The following ABCB1 variants were observed in gnomAD, a reference collection of about 807,000 sequenced individuals.
ABCB1 encodes ATP binding cassette subfamily B member 1.
A neutral mutation model predicts 142.0 loss-of-function variants in ABCB1; 69 were observed. The observed-to-expected ratio is 0.49, with a 90% CI of 0.40 to 0.59. The LOEUF (loss-of-function observed/expected upper bound fraction) is 0.59, where lower values mean the gene tolerates loss of function less well. Among genes scored for constraint, ABCB1 ranks in the 20% least tolerant of loss-of-function variants. The pLI is 0.00. For missense variants in ABCB1, 1,326 were observed against 1,554.7 expected, an observed-to-expected ratio of 0.85 and a Z score of 2.47; for synonymous variants, 532 against 539.2, an observed-to-expected ratio of 0.99 and a Z score of 0.18.
At chr7:87,546,316 T>C (rs756348894) in intron 14 of ABCB1, among the ~76,000 whole-genome samples, 41 of 152,048 alleles carry the variant, frequency 2.7e-4, no homozygotes, top group Non-Finnish European at 5.1e-4. Context: ...GGGCCGGGCG[T>C]GGTGGCTCAC....
At chr7:87,669,322 G>T (rs1184807058) in intron 1 of ABCB1, among the ~76,000 whole-genome samples, 2 of 151,900 alleles carry the variant, frequency 1.3e-5, no homozygotes, top group Non-Finnish European at 2.9e-5. Flanking sequence ...TTTTCCATTT[G>T]CTTAGTAGAT....
chr7:87,565,470 C>T (rs1434841763), intron 7 of ABCB1: 2 of 455,476 alleles, frequency 4.4e-6, no homozygotes, highest in Middle Eastern at 3.3e-4. Flanking sequence ...GCCTTCATGA[C>T]AGGAGAGAGA....
At chr7:87,585,468 T>TA (rs1818705099) in intron 4 of ABCB1, 44 bp downstream of exon 4, 2 of 1,601,400 alleles carry the variant, frequency 1.2e-6, no homozygotes, top group East Asian at 4.5e-5. Context: ...GTGCTTGTTT[T>TA]TGCTGCAAGT....
chr7:87,622,896 G>C (rs1214057067), intron 1 of ABCB1, among the ~76,000 whole-genome samples: 1 of 151,936 alleles, frequency 6.6e-6, no homozygotes, highest in African/African-American at 2.4e-5. Flanking sequence ...AAAAACACTA[G>C]GCAGCTGTGG....
rs1469116728 is a variant in ABCB1 at position 87,550,181 on chromosome 7, G to T, written c.1340C>A (p.Thr447Lys). The change falls in exon 12 of 28, where the codon ACA becomes AAA. Residue 447 changes from threonine to lysine, a missense_variant. By Grantham distance (78) the Thr-to-Lys change is moderately conservative. Transcript: ENST00000622132. The stretch of plus-strand genomic sequence containing the variant: ...CATGGGTCATCTCACCATCCCCTCT[G>T]TGGGGTCATAGAGCCTCTGCATCAG... ...VQLMQRLYDP[T>K]EGMVSVDGQD... is the part of the protein sequence containing the mutation. 4 of 1,614,048 alleles carry T rather than the reference G, an allele frequency of 2.5e-6. No individual in the cohort carries two copies. In the African/African-American group the frequency reaches 5.3e-5, roughly 22 times the overall value.
rs181988014 is a variant in ABCB1, at chr7:87,578,051, A to C, written c.286+7461T>G. ...CTTCTTTTAGTAGTTTCATAGTTTC[A>C]GGTCATAGATTTAAGTCTTTAATCC... On this transcript the variant is annotated intron_variant, in intron 4 of 27. Coordinates refer to ENST00000622132, the MANE Select transcript of ABCB1 (RefSeq NM_001348946.2). Among the ~76,000 whole-genome samples the C allele has an allele frequency of 1.8e-4, 27 of 152,300 alleles. No homozygotes were observed. The East Asian group carries it at 4.4e-3, about 25-fold the overall frequency.
intron 1 of ABCB1, among the ~76,000 whole-genome samples, chr7:87,622,600 T>A (rs1390829413): frequency 6.6e-6 from 1 of 152,184 alleles, no homozygotes; most frequent in Non-Finnish European, 1.5e-5. Flanking sequence ...AGAGACTATA[T>A]TGCATGAGTG....
chr7:87,559,880 T>C (rs1353686123), intron 8 of ABCB1, among the ~76,000 whole-genome samples: 1 of 152,200 alleles, frequency 6.6e-6, no homozygotes, highest in Non-Finnish European at 1.5e-5. Flanking sequence ...GTTGGGCTGT[T>C]GGGCATATTA....
intron 1 of ABCB1, among the ~76,000 whole-genome samples, chr7:87,618,430 A>G (rs1041156495): frequency 1.3e-5 from 2 of 152,198 alleles, no homozygotes; most frequent in African/African-American, 4.8e-5. Flanking sequence ...CAGTAGGCTG[A>G]TAGTCTTGGA....
At chr7:87,670,922 A>G (rs1219588319) in intron 1 of ABCB1, among the ~76,000 whole-genome samples, 1 of 151,990 alleles carries the variant, frequency 6.6e-6, no homozygotes, top group African/African-American at 2.4e-5. Context: ...CTGGCTGTAG[A>G]TTGTGATTTG....
chr7:87,515,382 T>G lies in ABCB1; in HGVS notation c.3131A>C (p.Tyr1044Ser). 2 of 1,614,144 alleles carry G rather than the reference T, an allele frequency of 1.2e-6. No individual in the cohort carries two copies. The highest frequency in any genetic ancestry group is 1.7e-6 in the Non-Finnish European group (2 of 1,180,004). The change falls in exon 25 of 28, where the codon TAT becomes TCT. Residue 1044 changes from tyrosine (Y) to serine (S), a missense_variant. Physicochemically the swap from Tyr to Ser is moderately radical, Grantham distance 144. Coordinates refer to ENST00000622132, the MANE Select transcript of ABCB1 (RefSeq NM_001348946.2). ...CACTGGGATGTCCGGTCGGGTGGGATAGTTGAATACAACTTCACCAAATGT... is the reference window on the plus strand; with the variant it reads ...CACTGGGATGTCCGGTCGGGTGGGAGAGTTGAATACAACTTCACCAAATGT... ...NVTFGEVVFN[Y>S]PTRPDIPVLQ... is the part of the protein sequence containing the mutation.
chr7:87,648,848 C>A (rs1322604039), intron 1 of ABCB1, among the ~76,000 whole-genome samples: 1 of 151,990 alleles, frequency 6.6e-6, no homozygotes, highest in Non-Finnish European at 1.5e-5. Flanking sequence ...TCCTGTACTG[C>A]TGTGCTAAGT....
chr7:87,520,355 G>A (rs1283664097), intron 22 of ABCB1, among the ~76,000 whole-genome samples: 2 of 152,106 alleles, frequency 1.3e-5, no homozygotes, highest in East Asian at 3.9e-4. Context: ...CTGTATTAAA[G>A]GAAGAAGGTC....
At chr7:87,571,297 G>T (rs1267273673) in intron 4 of ABCB1, among the ~76,000 whole-genome samples, 1 of 151,912 alleles carries the variant, frequency 6.6e-6, no homozygotes, top group Non-Finnish European at 1.5e-5. Context: ...TATGTAGCTG[G>T]AAAGATAATC....
intron 21 of ABCB1, chr7:87,522,318 A>C: frequency 2.7e-6 from 2 of 754,654 alleles, no homozygotes; most frequent in Admixed American, 3.4e-5. Context: ...TCTGGCCCCT[A>C]TGCTGGTACA....
intron 19 of ABCB1, among the ~76,000 whole-genome samples, chr7:87,536,794 A>G (rs1428073049): frequency 6.6e-6 from 1 of 152,218 alleles, no homozygotes; most frequent in Non-Finnish European, 1.5e-5. Context: ...TACGAACAAA[A>G]AAGACAAAGT....
intron 27 of ABCB1, among the ~76,000 whole-genome samples, chr7:87,505,284 T>C (rs1449565220): frequency 6.6e-6 from 1 of 152,150 alleles, no homozygotes; most frequent in Non-Finnish European, 1.5e-5. Context: ...AGTCATCTAC[T>C]CTTAAAGTTA....
intron 1 of ABCB1, among the ~76,000 whole-genome samples, chr7:87,682,950 T>C (rs894255459): frequency 1.3e-5 from 2 of 152,234 alleles, no homozygotes; most frequent in South Asian, 4.1e-4. Context: ...ACATTGAAAA[T>C]CTGTTGTTTA....
In ABCB1 at chr7:87,520,894, G is replaced by A. The variant is rs377389855; in HGVS notation, c.2686-18C>T. ...GTAGCGATCTGTAACAGACAGCACCGATCACCAAGAGGCACAAGAGTAAAT... is the reference window on the plus strand; with the variant it reads ...GTAGCGATCTGTAACAGACAGCACCAATCACCAAGAGGCACAAGAGTAAAT... On this transcript the variant is annotated intron_variant, in intron 21 of 27. Transcript: ENST00000622132. The A allele has an allele frequency of 2.0e-5, 31 of 1,587,152 alleles. No individual in the cohort carries two copies. The highest frequency in any genetic ancestry group is 5.4e-5 in the African/African-American group (4 of 74,318).
Sources: allele counts gnomAD v4.1 joint callset (sites outside exome capture counted in the v4.1 genomes callset), GRCh38; gene constraint gnomAD v4.1.1; transcripts MANE v1.5; gene names NCBI Gene and HGNC (gene_info 2026-07-23, HGNC 2026-07-21).